DPYD: variants seen among roughly 807,000 people sequenced by gnomAD.
DPYD encodes the protein dihydropyrimidine dehydrogenase [NADP(+)].
DPYD carries 109 observed loss-of-function variants against 116.2 expected under a neutral mutation model. That is an observed-to-expected ratio of 0.94 (90% CI 0.80 to 1.10). The LOEUF (loss-of-function observed/expected upper bound fraction) is 1.10, where lower values mean the gene tolerates loss of function less well. DPYD is among the 50% of genes least tolerant of loss of function. DPYD has a pLI of 0.00. For synonymous variants in DPYD, 440 were observed against 432.0 expected, an observed-to-expected ratio of 1.02 and a Z score of -0.23; for missense variants, 1,302 against 1,254.5, an observed-to-expected ratio of 1.04 and a Z score of -0.57.
chr1:97,090,744 G>A (rs547660786), intron 21 of DPYD, among the ~76,000 whole-genome samples: 26 of 152,212 alleles, frequency 1.7e-4, no homozygotes, highest in African/African-American at 3.6e-4. Flanking sequence ...TAAAATTCAC[G>A]TTGTATTCCT....
At chr1:97,280,520 G>T (rs1352944876) in intron 18 of DPYD, among the ~76,000 whole-genome samples, 1 of 152,050 alleles carries the variant, frequency 6.6e-6, no homozygotes, top group African/African-American at 2.4e-5. Context: ...GATAAATAAA[G>T]AAAATGTGGT....
intron 6 of DPYD, among the ~76,000 whole-genome samples, chr1:97,692,251 C>T (rs1288952733): frequency 1.3e-5 from 2 of 151,894 alleles, no homozygotes; most frequent in Non-Finnish European, 2.9e-5. Context: ...AAATGTACTT[C>T]TAGCTTGTTG....
chr1:97,844,966 A>G (rs989673756), intron 2 of DPYD, among the ~76,000 whole-genome samples: 2 of 152,210 alleles, frequency 1.3e-5, no homozygotes, highest in African/African-American at 4.8e-5. Flanking sequence ...CAGTGCTGAC[A>G]GGCCAGCTGT....
intron 10 of DPYD, among the ~76,000 whole-genome samples, chr1:97,587,766 G>A (rs570046883): frequency 1.9e-4 from 28 of 150,184 alleles, no homozygotes; most frequent in East Asian, 7.9e-4. Context: ...AGAGCCTGCA[G>A]TGAGTCGAGA....
chr1:97,842,688 T>C (rs1040212901), intron 2 of DPYD, among the ~76,000 whole-genome samples: 1 of 152,044 alleles, frequency 6.6e-6, no homozygotes, highest in African/African-American at 2.4e-5. Context: ...CAGCCCTCTA[T>C]TCACTGACAC....
intron 20 of DPYD, among the ~76,000 whole-genome samples, chr1:97,128,322 T>C (rs184071265): frequency 1.3e-5 from 2 of 152,352 alleles, no homozygotes; most frequent in African/African-American, 2.4e-5. Context: ...CAATAAAGTA[T>C]AGCCATTGCT....
chr1:97,600,115 T>A (rs921845696), intron 8 of DPYD, among the ~76,000 whole-genome samples: 29 of 151,962 alleles, frequency 1.9e-4, no homozygotes, highest in African/African-American at 7.0e-4. Context: ...GGAACACCAA[T>A]TCTTATTATT....
intron 18 of DPYD, among the ~76,000 whole-genome samples, chr1:97,262,240 C>T (rs974337154): frequency 6.6e-6 from 1 of 151,986 alleles, no homozygotes; most frequent in Non-Finnish European, 1.5e-5. Flanking sequence ...TAAAGGTAAT[C>T]TTTACGCACA....
intron 20 of DPYD, among the ~76,000 whole-genome samples, chr1:97,173,249 C>CACATATGTACAT (rs1557911442): frequency 8.6e-5 from 10 of 116,740 alleles, no homozygotes; most frequent in Non-Finnish European, 1.1e-4. Context: ...CATATATGTA[C>CACATATGTACAT]ATATATGCAC....
intron 8 of DPYD, among the ~76,000 whole-genome samples, chr1:97,628,717 A>C: frequency 6.6e-6 from 1 of 152,238 alleles, no homozygotes; most frequent in Non-Finnish European, 1.5e-5. Flanking sequence ...CATGCAAAAA[A>C]AAAGTGGCTA....
intron 16 of DPYD, among the ~76,000 whole-genome samples, chr1:97,352,747 T>C (rs567545057): frequency 2.0e-5 from 3 of 152,272 alleles, no homozygotes; most frequent in Admixed American, 1.3e-4. Context: ...GGACACGTGT[T>C]TGGGGTTCTT....
At chr1:97,221,413 A>C (rs1164201301) in intron 19 of DPYD, among the ~76,000 whole-genome samples, 1 of 152,152 alleles carries the variant, frequency 6.6e-6, no homozygotes, top group African/African-American at 2.4e-5. Context: ...TGAATATGCA[A>C]ATCTATAAAT....
intron 3 of DPYD, among the ~76,000 whole-genome samples, chr1:97,771,420 T>A (rs1408551646): frequency 6.6e-6 from 1 of 152,194 alleles, no homozygotes; most frequent in Non-Finnish European, 1.5e-5. Context: ...TCTAGTAATA[T>A]ATCCTATAGA....
intron 8 of DPYD, among the ~76,000 whole-genome samples, chr1:97,618,347 C>T (rs1656418794): frequency 6.6e-6 from 1 of 150,772 alleles, no homozygotes; most frequent in Non-Finnish European, 1.5e-5. Context: ...ATTCATTAGA[C>T]ATGTAATTAT....
chr1:97,353,623 T>C (rs1293149971), intron 16 of DPYD, among the ~76,000 whole-genome samples: 1 of 145,000 alleles, frequency 6.9e-6, no homozygotes, highest in Non-Finnish European at 1.5e-5. Flanking sequence ...GAAAACTGCA[T>C]TCTGTTTTTT....
intron 16 of DPYD, among the ~76,000 whole-genome samples, chr1:97,357,368 G>GT (rs202122806): frequency 0.054 from 7,547 of 139,734 alleles, 242 homozygotes; most frequent in Middle Eastern, 0.13. Flanking sequence ...TTCTAACAGT[G>GT]TTTTTTTTTT....
At chr1:97,611,747 T>G (rs969911341) in intron 8 of DPYD, among the ~76,000 whole-genome samples, 2 of 152,132 alleles carry the variant, frequency 1.3e-5, no homozygotes, top group South Asian at 4.1e-4. Flanking sequence ...TACAGATTTT[T>G]TCATCTGCAA....
At chr1:97,148,942 C>T (rs1281423060) in intron 20 of DPYD, among the ~76,000 whole-genome samples, 1 of 152,138 alleles carries the variant, frequency 6.6e-6, no homozygotes, top group Admixed American at 6.5e-5. Context: ...TCTAAGTTTA[C>T]AACAGAGTCT....
At chr1:97,268,847 C>A (rs757424856) in intron 18 of DPYD, among the ~76,000 whole-genome samples, 7 of 152,136 alleles carry the variant, frequency 4.6e-5, no homozygotes, top group Non-Finnish European at 1.0e-4. Context: ...TTCTTCTATC[C>A]ATATTAATCT....
Sources: allele counts gnomAD v4.1 joint callset (sites outside exome capture counted in the v4.1 genomes callset), GRCh38; gene constraint gnomAD v4.1.1; transcripts MANE v1.5; gene names NCBI Gene and HGNC (gene_info 2026-07-23, HGNC 2026-07-21).